CACNA1A: variants seen among roughly 807,000 people sequenced by gnomAD.
CACNA1A encodes voltage-dependent P/Q-type calcium channel subunit alpha-1A.
In CACNA1A, 57 loss-of-function variants were observed where a neutral mutation model predicts 262.4. That is an observed-to-expected ratio of 0.22 (90% CI 0.18 to 0.27). The LOEUF is 0.27. CACNA1A is among the 10% of genes least tolerant of loss of function. CACNA1A has a pLI of 1.00. For missense variants in CACNA1A, 2,526 were observed against 3,562.8 expected, an observed-to-expected ratio of 0.71 and a Z score of 7.41; for synonymous variants, 1,431 against 1,419.3, an observed-to-expected ratio of 1.01 and a Z score of -0.18.
chr19:13,342,092 T>A (rs1842178396), intron 6 of CACNA1A, among the ~76,000 whole-genome samples: 1 of 152,100 alleles, frequency 6.6e-6, no homozygotes, highest in African/African-American at 2.4e-5. Context: ...AGAGACACTT[T>A]TTCTCTTCCA....
intron 3 of CACNA1A, among the ~76,000 whole-genome samples, chr19:13,407,899 G>A (rs1287262327): frequency 6.6e-6 from 1 of 152,002 alleles, no homozygotes; most frequent in Non-Finnish European, 1.5e-5. Flanking sequence ...TTGGATCCTG[G>A]GAGCAGATTT....
chr19:13,334,561 T>TTGTGTGTGTGTGTGTGTGTGTG lies in CACNA1A; in HGVS notation c.1083-90_1083-69dup, dbSNP rs1196739807. ...TGTTAGGAAACGTTTGTGTGTGTGT[T>TTGTGTGTGTGTGTGTGTGTGTG]TGTGTGTGTGTGTGTGTGTGTGTGT... On this transcript the variant is annotated intron_variant, in intron 7 of 46. Coordinates refer to ENST00000360228, the MANE Select transcript of CACNA1A (RefSeq NM_001127222.2). 5 of 312,658 alleles carry TTGTGTGTGTGTGTGTGTGTGTG rather than the reference T, an allele frequency of 1.6e-5. No individual in the cohort carries two copies. The Admixed American group carries it at 1.6e-4, about 10-fold the overall frequency. 19.4% of individuals were successfully genotyped at this position (312,658 alleles called of 1,614,324 possible).
At chr19:13,484,674 C>T (rs1449053668) in intron 1 of CACNA1A, among the ~76,000 whole-genome samples, 8 of 152,206 alleles carry the variant, frequency 5.3e-5, no homozygotes. Flanking sequence ...GACATAAAAT[C>T]ATTGTATTAC....
chr19:13,281,508 G>C (rs894626328), intron 22 of CACNA1A, among the ~76,000 whole-genome samples: 1 of 152,104 alleles, frequency 6.6e-6, no homozygotes. Flanking sequence ...GGACATTTGG[G>C]TCTGGATCAT....
At chr19:13,418,891 T>C (rs1317305579) in intron 3 of CACNA1A, among the ~76,000 whole-genome samples, 1 of 152,024 alleles carries the variant, frequency 6.6e-6, no homozygotes, top group Admixed American at 6.6e-5. Flanking sequence ...TTTAGATATG[T>C]TTTTTATTTT....
At chr19:13,390,651 T>C (rs2059695276) in intron 3 of CACNA1A, among the ~76,000 whole-genome samples, 1 of 152,178 alleles carries the variant, frequency 6.6e-6, no homozygotes, top group Non-Finnish European at 1.5e-5. Context: ...AGTTAACCCC[T>C]GATCAATTTT....
At chr19:13,465,162 C>G (rs1343639356) in intron 1 of CACNA1A, among the ~76,000 whole-genome samples, 1 of 151,048 alleles carries the variant, frequency 6.6e-6, no homozygotes, top group East Asian at 2.0e-4. Context: ...AACTCCTGAC[C>G]TCAAGTGATC....
chr19:13,296,731 C>T lies in CACNA1A; in HGVS notation c.3089+1813G>A, dbSNP rs146909690. On this transcript the variant is annotated intron_variant, in intron 19 of 46. Transcript: ENST00000360228. ...AACTCTGCTCTCCCTTCAATTCTAACGGCCCAAAGTGCCTTTTCTTTTTCT... is the reference window on the plus strand; with the variant it reads ...AACTCTGCTCTCCCTTCAATTCTAATGGCCCAAAGTGCCTTTTCTTTTTCT... 2.0e-4 allele frequency among the ~76,000 whole-genome samples: 31 copies of T among 151,810 alleles called. No homozygotes were observed. In the East Asian group the frequency reaches 3.5e-3, roughly 17 times the overall value.
intron 3 of CACNA1A, among the ~76,000 whole-genome samples, chr19:13,427,477 T>TAAATAAATAAAC (rs2060424515): frequency 6.6e-6 from 1 of 150,386 alleles, no homozygotes; most frequent in African/African-American, 2.4e-5. Context: ...AATAAATAAA[T>TAAATAAATAAAC]AAATAAATAA....
chr19:13,406,505 A>ATG (rs1249151892), intron 3 of CACNA1A, among the ~76,000 whole-genome samples: 22 of 110,588 alleles, frequency 2.0e-4, no homozygotes, highest in East Asian at 1.3e-3. Flanking sequence ...ATATATATAT[A>ATG]TATATATGAA....
At chr19:13,405,099 T>C (rs1909388785) in intron 3 of CACNA1A, among the ~76,000 whole-genome samples, 1 of 152,112 alleles carries the variant, frequency 6.6e-6, no homozygotes, top group Non-Finnish European at 1.5e-5. Context: ...TTTCACCATG[T>C]TGGCCAGGCT....
At chr19:13,478,376 C>A (rs571037453) in intron 1 of CACNA1A, among the ~76,000 whole-genome samples, 24 of 152,254 alleles carry the variant, frequency 1.6e-4, no homozygotes, top group African/African-American at 5.1e-4. Flanking sequence ...GCCTGGAGTG[C>A]AGGACGCGAT....
chr19:13,211,924 T>G, intron 43 of CACNA1A, 179 bp downstream of exon 43: 2 of 580,970 alleles, frequency 3.4e-6, no homozygotes, highest in Non-Finnish European at 6.2e-6. Context: ...GGTCTGCAGG[T>G]GCTCCAGGTG....
chr19:13,464,488 C>T (rs2061184509), intron 1 of CACNA1A, among the ~76,000 whole-genome samples: 1 of 150,810 alleles, frequency 6.6e-6, no homozygotes, highest in African/African-American at 2.4e-5. Context: ...TGTAATCATG[C>T]AATAAATGTT....
chr19:13,335,749 G>T, intron 7 of CACNA1A, 57 bp downstream of exon 7: 2 of 1,132,360 alleles, frequency 1.8e-6, no homozygotes, highest in Non-Finnish European at 2.6e-6. Flanking sequence ...CCTCTACTTG[G>T]AAAGAAGTTA....
At chr19:13,269,603 C>T (rs892626367) in intron 24 of CACNA1A, among the ~76,000 whole-genome samples, 10 of 152,238 alleles carry the variant, frequency 6.6e-5, no homozygotes, top group East Asian at 1.9e-4. Flanking sequence ...AGAACAGCCG[C>T]GCCAGATGGA....
intron 12 of CACNA1A, among the ~76,000 whole-genome samples, chr19:13,310,697 G>A (rs2058018211): frequency 6.6e-6 from 1 of 150,768 alleles, no homozygotes; most frequent in South Asian, 2.1e-4. Context: ...ATATAGATAT[G>A]CCACAAAATA....
chr19:13,218,911 T>C (rs2055117273), intron 38 of CACNA1A, among the ~76,000 whole-genome samples: 2 of 152,200 alleles, frequency 1.3e-5, no homozygotes, highest in African/African-American at 4.8e-5. Flanking sequence ...TTTTTGTATT[T>C]TTGGTAGAGA....
At chr19:13,261,718 A>G in intron 25 of CACNA1A, 108 bp from the exon 26 acceptor site, 1 of 1,111,248 alleles carries the variant, frequency 9.0e-7, no homozygotes, top group Non-Finnish European at 1.3e-6. Flanking sequence ...CCCATTTTAC[A>G]GGCAAGGTCA....
Sources: allele counts gnomAD v4.1 joint callset (sites outside exome capture counted in the v4.1 genomes callset), GRCh38; gene constraint gnomAD v4.1.1; transcripts MANE v1.5; gene names NCBI Gene and HGNC (gene_info 2026-07-23, HGNC 2026-07-21).